KIDINS220: variants seen among roughly 807,000 people sequenced by gnomAD.
KIDINS220 encodes the protein kinase D interacting substrate 220.
Under a neutral mutation model 157.6 loss-of-function variants are expected in KIDINS220, and 63 were observed. That is an observed-to-expected ratio of 0.40 (90% CI 0.33 to 0.49). The LOEUF is 0.49. KIDINS220 is among the 20% of genes least tolerant of loss of function. The probability of loss-of-function intolerance (pLI) is 0.66; values close to 1 mark genes in which losing one functional copy is unlikely to be tolerated. For missense variants in KIDINS220, 1,772 were observed against 2,171.2 expected (o/e 0.82, Z 3.65); for synonymous variants, 732 against 783.6 (o/e 0.93, Z 1.10).
chr2:8,776,397 T>TA (rs778932020), intron 21 of KIDINS220, among the ~76,000 whole-genome samples: 14 of 150,708 alleles, frequency 9.3e-5, no homozygotes, highest in East Asian at 3.9e-4. Context: ...ATATGAAAAT[T>TA]AAAAAAAAAG....
chr2:8,800,968 T>A (rs895940246), intron 8 of KIDINS220, among the ~76,000 whole-genome samples: 2 of 152,146 alleles, frequency 1.3e-5, no homozygotes, highest in African/African-American at 4.8e-5. Flanking sequence ...CCACATTCAA[T>A]TAAGGGAGAA....
In KIDINS220 at chr2:8,733,569, G is replaced by C; in HGVS notation, c.3928C>G (p.His1310Asp). 6.2e-7 allele frequency: 1 copy of C among 1,614,068 alleles called. No individual in the cohort carries two copies. Among genetic ancestry groups the C allele is most frequent in the Non-Finnish European group, 8.5e-7 (1 of 1,180,030 alleles). Residue 1310 changes from histidine (H) to aspartate (D), a missense_variant, in exon 29 of 30, where the codon CAC (histidine) becomes GAC (aspartate). Around this residue, in one of 3 missense-constraint regions of KIDINS220, gnomAD observed 793 missense variants for 885.5 expected, o/e 0.90. Coordinates refer to ENST00000256707, the MANE Select transcript of KIDINS220 (RefSeq NM_020738.4). ...PHGEPARRASHNELPHTELSS... is the reference protein window; with the variant it reads ...PHGEPARRASDNELPHTELSS... ...AGCTCGGTGTGAGGCAGCTCGTTGTGGGAAGCGCGGCGAGCAGGCTCACCG... is the reference window on the plus strand; with the variant it reads ...AGCTCGGTGTGAGGCAGCTCGTTGTCGGAAGCGCGGCGAGCAGGCTCACCG...
chr2:8,829,126 C>T (rs1468308185), intron 1 of KIDINS220, among the ~76,000 whole-genome samples: 1 of 152,150 alleles, frequency 6.6e-6, no homozygotes, highest in East Asian at 1.9e-4. Context: ...AGGAAAACTG[C>T]AGGGGCAGAA....
intron 12 of KIDINS220, among the ~76,000 whole-genome samples, chr2:8,793,386 C>G (rs1187811080): frequency 6.6e-6 from 1 of 152,092 alleles, no homozygotes; most frequent in Non-Finnish European, 1.5e-5. Context: ...GTTCCAAGTA[C>G]TCAGGAGGCT....
At position 8,729,607 on chromosome 2, in the gene KIDINS220, T is replaced by A. The variant is rs2147935401; in HGVS notation, c.*1113A>T. 1 of 975,584 alleles carries A rather than the reference T, an allele frequency of 1.0e-6. No homozygotes were observed. Among genetic ancestry groups the A allele is most frequent in the African/African-American group, 1.8e-5 (1 of 57,122 alleles). The allele number at this position is 975,584 out of a possible 1,614,324, so 60.4% of individuals were successfully genotyped here. A position where few individuals can be genotyped will look rare whatever the true frequency, so the allele number is the denominator to read the frequency against. ...ATAGATATATATATATATTTTACCC[T>A]TGCTTTGTTACATGTTTCCAAATTT... On this transcript the variant is annotated 3_prime_UTR_variant, in exon 30 of 30. Transcript: ENST00000256707.
chr2:8,828,195 C>T (rs1679096298), intron 1 of KIDINS220, among the ~76,000 whole-genome samples: 1 of 152,228 alleles, frequency 6.6e-6, no homozygotes, highest in Admixed American at 6.5e-5. Context: ...CCACACTGAG[C>T]ACCGTCCCAC....
At chr2:8,829,208 G>C (rs1334959753) in intron 1 of KIDINS220, among the ~76,000 whole-genome samples, 1 of 152,176 alleles carries the variant, frequency 6.6e-6, no homozygotes, top group Non-Finnish European at 1.5e-5. Flanking sequence ...AGAATTTGGC[G>C]AGTTAATGGC....
intron 15 of KIDINS220, among the ~76,000 whole-genome samples, chr2:8,786,699 C>G (rs1049297526): frequency 6.6e-6 from 1 of 152,100 alleles, no homozygotes; most frequent in Non-Finnish European, 1.5e-5. Context: ...AAAGGTGACA[C>G]ACGTGTCATG....
intron 26 of KIDINS220, among the ~76,000 whole-genome samples, chr2:8,738,291 A>G (rs1184213959): frequency 2.0e-5 from 3 of 152,254 alleles, no homozygotes; most frequent in Non-Finnish European, 2.9e-5. Context: ...TTAGGCAAAC[A>G]TAGTAACAGT....
chr2:8,785,866 A>G lies in KIDINS220; in HGVS notation c.2104T>C (p.Leu702=). Residue 702 remains leucine, a synonymous_variant, in exon 17 of 30, where the codon TTG becomes CTG. Transcript: ENST00000256707. The stretch of plus-strand genomic sequence containing the variant: ...GTACGACAGTTCAACACAAAGGCCA[A>G]TCCCACTACAGATGCGATTGATATG... ...VLISIASVVG[L]AFVLNCRTWW... is the part of the protein sequence containing the mutation. 6.2e-6 allele frequency: 10 copies of G among 1,614,190 alleles called. No homozygotes were observed. The highest frequency in any genetic ancestry group is 1.3e-5 in the African/African-American group (1 of 75,046).
At chr2:8,796,892 T>C in intron 10 of KIDINS220, 23 bp from the exon 11 acceptor site, 1 of 1,555,346 alleles carries the variant, frequency 6.4e-7, no homozygotes, top group Non-Finnish European at 8.9e-7. Flanking sequence ...ATAAGAACAT[T>C]TGCCAGATTA....
At chr2:8,768,241 T>C (rs1482325056) in intron 22 of KIDINS220, among the ~76,000 whole-genome samples, 1 of 150,084 alleles carries the variant, frequency 6.7e-6, no homozygotes, top group Non-Finnish European at 1.5e-5. Context: ...TTACTAAATG[T>C]ATGTTAAAAA....
chr2:8,789,864 A>AAAAGC lies in KIDINS220; in HGVS notation c.1621+11_1621+15dup. 6.4e-7 allele frequency: 1 copy of AAAAGC among 1,555,378 alleles called. No individual in the cohort carries two copies. The highest frequency in any genetic ancestry group is 8.7e-7 in the Non-Finnish European group (1 of 1,154,294). On this transcript the variant is annotated intron_variant, in intron 14 of 29. Coordinates refer to ENST00000256707, the MANE Select transcript of KIDINS220 (RefSeq NM_020738.4). ...GTTTTCTCCATTTTTGAAAAAGATA[A>AAAAGC]AAAGCAAAGACTTACTAAAGAATAT... is the stretch of plus-strand genomic sequence containing the variant.
intron 29 of KIDINS220, 136 bp downstream of exon 29, chr2:8,733,308 C>A: frequency 1.3e-6 from 1 of 758,216 alleles, no homozygotes; most frequent in East Asian, 2.6e-5. Flanking sequence ...TACAGGGAGC[C>A]CTCCATCTTG....
intron 9 of KIDINS220, among the ~76,000 whole-genome samples, chr2:8,799,146 T>C (rs1282957582): frequency 1.3e-5 from 2 of 152,076 alleles, no homozygotes; most frequent in African/African-American, 4.8e-5. Context: ...ATGCCTACCA[T>C]CCCACTGCCC....
At chr2:8,833,441 A>G (rs1040960101) in intron 1 of KIDINS220, among the ~76,000 whole-genome samples, 11 of 149,716 alleles carry the variant, frequency 7.3e-5, no homozygotes, top group Non-Finnish European at 1.5e-4. Flanking sequence ...ACACTTTACT[A>G]AACTTGTAAT....
downstream of KIDINS220, among the ~76,000 whole-genome samples, chr2:8,726,407 C>T (rs958121351): frequency 1.3e-5 from 2 of 152,180 alleles, no homozygotes; most frequent in Admixed American, 6.5e-5. Context: ...TTGACCAGGT[C>T]GGTGACAATA....
intron 6 of KIDINS220, among the ~76,000 whole-genome samples, chr2:8,811,032 T>G (rs1676230822): frequency 6.6e-6 from 1 of 152,212 alleles, no homozygotes; most frequent in Non-Finnish European, 1.5e-5. Flanking sequence ...ACTTGATGAT[T>G]TTTTACATAT....
At chr2:8,802,117 G>A (rs144660865) in intron 8 of KIDINS220, among the ~76,000 whole-genome samples, 9 of 152,162 alleles carry the variant, frequency 5.9e-5, no homozygotes, top group Non-Finnish European at 1.2e-4. Context: ...TATGAAAACT[G>A]GCAGAAGAGG....
Sources: allele counts gnomAD v4.1 joint callset (sites outside exome capture counted in the v4.1 genomes callset), GRCh38; gene constraint gnomAD v4.1.1; regional missense constraint gnomAD v4.1.1; transcripts MANE v1.5; gene names NCBI Gene and HGNC (gene_info 2026-07-23, HGNC 2026-07-21).